Variants in SND1 observed in about 807,000 individuals in gnomAD.
The protein encoded by SND1 is staphylococcal nuclease and tudor domain containing 1.
SND1 carries 38 observed loss-of-function variants against 121.7 expected under a neutral mutation model. The ratio of observed to expected loss-of-function variants is 0.31; its 90% CI spans 0.24 to 0.41. The LOEUF (loss-of-function observed/expected upper bound fraction) is 0.41. SND1 is among the 10% of genes least tolerant of loss of function. The pLI, the probability that SND1 is intolerant of heterozygous loss-of-function variation, is 1.00. For synonymous variants in SND1, 401 were observed against 447.4 expected, an observed-to-expected ratio of 0.90 and a Z score of 1.31; for missense variants, 868 against 1,184.6, an observed-to-expected ratio of 0.73 and a Z score of 3.92.
intron 4 of SND1, among the ~76,000 whole-genome samples, chr7:127,700,255 GT>G (rs1796078100): frequency 6.6e-6 from 1 of 152,172 alleles, no homozygotes; most frequent in African/African-American, 2.4e-5. Context: ...CCAGTTTTGT[GT>G]TTGGTTCAAT....
At chr7:128,053,092 CTT>C (rs1188584570) in intron 16 of SND1, among the ~76,000 whole-genome samples, 2 of 152,194 alleles carry the variant, frequency 1.3e-5, no homozygotes, top group Non-Finnish European at 2.9e-5. Context: ...GGAAGGGTCT[CTT>C]TAGAGAGTCT....
rs565320162 is a variant in SND1 at position 127,663,373 on chromosome 7, ACTT to A, written c.78+10926_78+10928del. Among the ~76,000 whole-genome samples, 771 of 143,646 alleles carry A rather than the reference ACTT, an allele frequency of 5.4e-3. 6 individuals are homozygous for A. The highest frequency in any genetic ancestry group is 9.2e-3 in the Non-Finnish European group (595 of 64,800). The allele number at this position is 143,646 out of a possible 152,430, so 94.2% of individuals were successfully genotyped here. On this transcript the variant is annotated intron_variant, in intron 1 of 23. Coordinates refer to ENST00000354725, the MANE Select transcript of SND1 (RefSeq NM_014390.4). ...ATCCACGGATGTGAGGGCCTACTGTACTTCTTTTTTTTTTTTTGAGATGGAGTC... is the reference window on the plus strand; with the variant it reads ...ATCCACGGATGTGAGGGCCTACTGTACTTTTTTTTTTTTTGAGATGGAGTC...
At chr7:127,689,992 A>G (rs955814416) in intron 2 of SND1, among the ~76,000 whole-genome samples, 9 of 134,116 alleles carry the variant, frequency 6.7e-5, no homozygotes, top group African/African-American at 2.6e-4. Context: ...CTGCCTCCTT[A>G]AAACCTCTCT....
intron 15 of SND1, among the ~76,000 whole-genome samples, chr7:127,947,050 A>C (rs1002948162): frequency 2.0e-5 from 3 of 152,218 alleles, no homozygotes; most frequent in African/African-American, 7.2e-5. Context: ...GTTCCAGCTT[A>C]AAAGGCGACT....
chr7:127,853,926 T>A (rs1799220575), intron 12 of SND1, among the ~76,000 whole-genome samples: 1 of 152,164 alleles, frequency 6.6e-6, no homozygotes, highest in South Asian at 2.1e-4. Context: ...ATGATGACCC[T>A]AAAGCCTACT....
At chr7:127,754,732 G>A (rs1797163678) in intron 10 of SND1, among the ~76,000 whole-genome samples, 1 of 152,238 alleles carries the variant, frequency 6.6e-6, no homozygotes, top group Non-Finnish European at 1.5e-5. Flanking sequence ...GAGAGGGACA[G>A]ACAAAATTTT....
intron 10 of SND1, among the ~76,000 whole-genome samples, chr7:127,747,093 G>C (rs1407413281): frequency 6.6e-6 from 1 of 152,206 alleles, no homozygotes; most frequent in Non-Finnish European, 1.5e-5. Context: ...TGTGTATAGG[G>C]AGGTTGTTGC....
chr7:128,085,638 G>A lies in SND1; in HGVS notation c.2235-73G>A, dbSNP rs1225606134. 41 of 1,347,228 alleles carry A rather than the reference G, an allele frequency of 3.0e-5. No individual in the cohort carries two copies. In the East Asian group the frequency reaches 4.4e-4, roughly 14 times the overall value. 83.5% of individuals were successfully genotyped at this position (1,347,228 alleles called of 1,614,324 possible). A position where few individuals can be genotyped will look rare whatever the true frequency, so the allele number is the denominator to read the frequency against. ...CAGGGAAATGCTGTGCCCCTGCCCCGCCATTGCTGAGGCTCTGGGAGCCCA... is the reference window on the plus strand; with the variant it reads ...CAGGGAAATGCTGTGCCCCTGCCCCACCATTGCTGAGGCTCTGGGAGCCCA... On this transcript the variant is annotated intron_variant, in intron 19 of 23. Coordinates refer to ENST00000354725, the MANE Select transcript of SND1 (RefSeq NM_014390.4). The surrounding 1 kb of genome is among the most constrained non-coding windows in gnomAD (Gnocchi z 4.4).
intron 15 of SND1, among the ~76,000 whole-genome samples, chr7:127,966,540 T>C (rs1801857539): frequency 1.3e-5 from 1 of 79,652 alleles, no homozygotes; most frequent in African/African-American, 6.9e-5. Context: ...GAACTCAGGA[T>C]TAAGAATCTC....
rs1224899950 is a variant in SND1 at position 127,686,715 on chromosome 7, C to T, written c.181C>T (p.Arg61Cys). Residue 61 changes from arginine to cysteine, a missense_variant, in exon 2 of 24, where the codon CGC becomes TGC. Coordinates refer to ENST00000354725, the MANE Select transcript of SND1 (RefSeq NM_014390.4). ...LSNIRAGNLARRAAATQPDAK... is the reference protein window; with the variant it reads ...LSNIRAGNLACRAAATQPDAK... ...CAACATTCGTGCTGGAAATCTTGCT[C>T]GCCGGGCAGCCGCCACACAACCTGA... 3.1e-6 allele frequency: 5 copies of T among 1,614,156 alleles called. No homozygotes were observed. The highest frequency in any genetic ancestry group is 1.1e-5 in the South Asian group (1 of 91,072).
intron 10 of SND1, among the ~76,000 whole-genome samples, chr7:127,751,850 T>TG (rs1797102983): frequency 1.3e-5 from 2 of 152,310 alleles, no homozygotes; most frequent in Admixed American, 1.3e-4. Flanking sequence ...CCAAATAGCA[T>TG]GGACTGGTCT....
chr7:127,712,546 A>T (rs183742067), intron 9 of SND1, among the ~76,000 whole-genome samples: 1 of 152,114 alleles, frequency 6.6e-6, no homozygotes, highest in African/African-American at 2.4e-5. Context: ...CCCAATTGAG[A>T]TGCTTGATTT....
At chr7:128,049,803 G>A (rs536476586) in intron 16 of SND1, among the ~76,000 whole-genome samples, 7 of 152,276 alleles carry the variant, frequency 4.6e-5, no homozygotes, top group African/African-American at 1.4e-4. Flanking sequence ...TCCCAGCAAC[G>A]TATGCAGGAG....
intron 16 of SND1, among the ~76,000 whole-genome samples, chr7:128,039,211 A>G (rs1234167673): frequency 6.6e-6 from 1 of 152,182 alleles, no homozygotes; most frequent in Non-Finnish European, 1.5e-5. Context: ...CATCACAGTT[A>G]TATCACTCAG....
intron 10 of SND1, among the ~76,000 whole-genome samples, chr7:127,780,465 A>C (rs1797699001): frequency 6.6e-6 from 1 of 152,240 alleles, no homozygotes; most frequent in African/African-American, 2.4e-5. Context: ...CTGATATTAC[A>C]GATAATGTAT....
chr7:127,771,714 T>TA (rs911322621), intron 10 of SND1, among the ~76,000 whole-genome samples: 97 of 152,222 alleles, frequency 6.4e-4, no homozygotes, highest in Non-Finnish European at 1.6e-4. Flanking sequence ...TGGTGGTATG[T>TA]AAAATAATAC....
In SND1 at chr7:127,889,352, GT is replaced by G. The variant is rs1283643906; in HGVS notation, c.1454+1350del. On this transcript the variant is annotated intron_variant, in intron 13 of 23. Coordinates refer to ENST00000354725, the MANE Select transcript of SND1 (RefSeq NM_014390.4). Reference sequence around the variant, plus strand: ...TTTCTCATGATCTTGGTTCTGTTTTGTTTTTTTTTTAATTTTTTTAATTTTA... The same window carrying G: ...TTTCTCATGATCTTGGTTCTGTTTTGTTTTTTTTTAATTTTTTTAATTTTA... 9.0e-5 allele frequency among the ~76,000 whole-genome samples: 13 copies of G among 144,800 alleles called. No homozygotes were observed. In the South Asian group the frequency reaches 2.0e-3, roughly 22 times the overall value. The allele number at this position is 144,800 out of a possible 152,430, so 95.0% of individuals were successfully genotyped here. A position where few individuals can be genotyped will look rare whatever the true frequency, so the allele number is the denominator to read the frequency against.
intron 16 of SND1, chr7:128,030,720 G>C: frequency 6.8e-7 from 1 of 1,474,324 alleles, no homozygotes. Context: ...GCTTAAGTGA[G>C]CTAGGAGCTC....
chr7:127,805,531 T>C (rs1257382751), intron 10 of SND1, among the ~76,000 whole-genome samples: 2 of 152,208 alleles, frequency 1.3e-5, no homozygotes, highest in Non-Finnish European at 2.9e-5. Context: ...ATCTGCATTC[T>C]CATAAGAGAT....
Sources: allele counts gnomAD v4.1 joint callset (sites outside exome capture counted in the v4.1 genomes callset), GRCh38; gene constraint gnomAD v4.1.1; non-coding constraint Gnocchi (gnomAD v3.1); transcripts MANE v1.5; gene names NCBI Gene and HGNC (gene_info 2026-07-23, HGNC 2026-07-21).